Variants in ARHGAP39 observed in about 807,000 individuals in gnomAD.
ARHGAP39 encodes Rho GTPase activating protein 39.
Under a neutral mutation model 106.9 loss-of-function variants are expected in ARHGAP39, and 44 were observed. That is an observed-to-expected ratio of 0.41 (90% confidence interval 0.32 to 0.53). The LOEUF (loss-of-function observed/expected upper bound fraction) is 0.53. ARHGAP39 is among the 20% of genes least tolerant of loss of function. The pLI, the probability that ARHGAP39 is intolerant of heterozygous loss-of-function variation, is 0.21. For missense variants in ARHGAP39, 1,496 were observed against 1,577.3 expected, an observed-to-expected ratio of 0.95 and a Z score of 0.87; for synonymous variants, 768 against 693.2, an observed-to-expected ratio of 1.11 and a Z score of -1.69.
chr8:144,614,635 G>A (rs905342772), intron 1 of ARHGAP39, among the ~76,000 whole-genome samples: 2 of 152,206 alleles, frequency 1.3e-5, no homozygotes, highest in African/African-American at 4.8e-5. Context: ...TTACAGGTGT[G>A]AGCCACCGTG....
At position 144,679,113 on chromosome 8, in the gene ARHGAP39, A is replaced by T. The variant is rs1190798187; in HGVS notation, c.-82+6573T>A. Among the ~76,000 whole-genome samples, 1 of 152,170 alleles carries T rather than the reference A, an allele frequency of 6.6e-6. No homozygotes were observed. Among genetic ancestry groups the T allele is most frequent in the Non-Finnish European group, 1.5e-5 (1 of 68,012 alleles). ...AGGCCAGAAGTGAATGTGGGTGCTG[A>T]GTCTGAGCCGCCTCAGGGGCTCTCG... is the stretch of plus-strand genomic sequence containing the variant. On this transcript the variant is annotated intron_variant, in intron 1 of 11. Coordinates refer to ENST00000377307, the MANE Select transcript of ARHGAP39 (RefSeq NM_025251.3). The surrounding 1 kb of genome is among the most constrained non-coding windows in gnomAD (Gnocchi z 4.7).
At chr8:144,619,046 G>T (rs984372151) in intron 1 of ARHGAP39, among the ~76,000 whole-genome samples, 1 of 152,240 alleles carries the variant, frequency 6.6e-6, no homozygotes, top group Non-Finnish European at 1.5e-5. Flanking sequence ...GTGGACACAG[G>T]GAGCAGGACA....
chr8:144,675,950 T>C (rs1391814718), intron 1 of ARHGAP39, among the ~76,000 whole-genome samples: 1 of 150,966 alleles, frequency 6.6e-6, no homozygotes, highest in African/African-American at 2.4e-5. Flanking sequence ...TGTCCAGAGT[T>C]GTTCCTTCCT....
At chr8:144,659,527 C>T (rs953144080) in intron 1 of ARHGAP39, among the ~76,000 whole-genome samples, 1 of 152,196 alleles carries the variant, frequency 6.6e-6, no homozygotes, top group Non-Finnish European at 1.5e-5. Flanking sequence ...ATCACACCAG[C>T]CCTCTGATCT....
At chr8:144,578,984 C>G (rs1234078034) in intron 3 of ARHGAP39, among the ~76,000 whole-genome samples, 1 of 151,704 alleles carries the variant, frequency 6.6e-6, no homozygotes, top group African/African-American at 2.4e-5. Flanking sequence ...GGGTGGATCA[C>G]GAGGTCAGGA....
intron 1 of ARHGAP39, among the ~76,000 whole-genome samples, chr8:144,630,233 CAT>C (rs1821027792): frequency 6.6e-6 from 1 of 152,330 alleles, no homozygotes; most frequent in South Asian, 2.1e-4. Context: ...CACCACAACT[CAT>C]GTGCTCGCCC....
chr8:144,623,591 C>T (rs971459727), intron 1 of ARHGAP39, among the ~76,000 whole-genome samples: 1 of 152,212 alleles, frequency 6.6e-6, no homozygotes, highest in Non-Finnish European at 1.5e-5. Context: ...AGCAGGCAGA[C>T]GTGTTCCAGG....
At chr8:144,607,388 C>T (rs772789868) in intron 1 of ARHGAP39, among the ~76,000 whole-genome samples, 11 of 152,108 alleles carry the variant, frequency 7.2e-5, no homozygotes, top group Non-Finnish European at 1.5e-4. Context: ...GAGGGACCCA[C>T]GGCTGTATGG....
rs1272801200 is a variant in ARHGAP39 at position 144,585,546 on chromosome 8, C to G, written c.81-4269G>C. On this transcript the variant is annotated intron_variant, in intron 2 of 11. Transcript: ENST00000377307. This position sits in a 1 kb window ranked among gnomAD's most constrained non-coding sequence, Gnocchi z 4.6. Reference sequence around the variant, plus strand: ...ACTCTCCCTGGAGACAACCCTTGGCCTCAGCCCATGATACAAAGTGTCAAT... The same window carrying G: ...ACTCTCCCTGGAGACAACCCTTGGCGTCAGCCCATGATACAAAGTGTCAAT... Among the ~76,000 whole-genome samples, 1 of 152,096 alleles carries G rather than the reference C, an allele frequency of 6.6e-6. No homozygotes were observed. The highest frequency in any genetic ancestry group is 1.5e-5 in the Non-Finnish European group (1 of 68,014).
chr8:144,630,441 C>T (rs1457237273), intron 1 of ARHGAP39, among the ~76,000 whole-genome samples: 1 of 152,242 alleles, frequency 6.6e-6, no homozygotes, highest in Non-Finnish European at 1.5e-5. Flanking sequence ...AGCCCTGGCC[C>T]CCAGCTTCTG....
intron 1 of ARHGAP39, among the ~76,000 whole-genome samples, chr8:144,653,068 C>T (rs975967704): frequency 1.3e-5 from 2 of 152,112 alleles, no homozygotes; most frequent in African/African-American, 2.4e-5. Flanking sequence ...GAGGCTGAGG[C>T]GGGCAGATCA....
In ARHGAP39 at chr8:144,529,825, C is replaced by A. The variant is rs1816590674; in HGVS notation, c.*597G>T. The A allele has an allele frequency of 6.6e-6, 1 of 152,470 alleles. No homozygotes were observed. The highest frequency in any genetic ancestry group is 2.4e-5 in the African/African-American group (1 of 41,374). 9.4% of individuals were successfully genotyped at this position (152,470 alleles called of 1,614,324 possible). A position where few individuals can be genotyped will look rare whatever the true frequency, so the allele number is the denominator to read the frequency against. On this transcript the variant is annotated 3_prime_UTR_variant, in exon 12 of 12. Transcript: ENST00000377307. ...GCCTGCCCAGCCCTGCTCCCTACCCCAGAGGACTTTGGTTTGGGGGCCCCC... is the reference window on the plus strand; with the variant it reads ...GCCTGCCCAGCCCTGCTCCCTACCCAAGAGGACTTTGGTTTGGGGGCCCCC...
chr8:144,634,221 T>A (rs112044205), intron 1 of ARHGAP39, among the ~76,000 whole-genome samples: 1 of 74,476 alleles, frequency 1.3e-5, no homozygotes, highest in Non-Finnish European at 2.7e-5. Flanking sequence ...TCTCCACTCC[T>A]GTCTGGAACT....
chr8:144,663,708 T>C (rs1250713390), intron 1 of ARHGAP39, among the ~76,000 whole-genome samples: 1 of 152,150 alleles, frequency 6.6e-6, no homozygotes, highest in Non-Finnish European at 1.5e-5. Context: ...TTCATCTCTA[T>C]GCTCAGGACT....
rs531933276 is a variant in ARHGAP39 at position 144,549,784 on chromosome 8, C to T, written c.597-1295G>A. ...CTGGGATTACAGGTGTGAGCCACCGCGCCCAGCCCCACGTGGTTTTCATGC... is the reference window on the plus strand; with the variant it reads ...CTGGGATTACAGGTGTGAGCCACCGTGCCCAGCCCCACGTGGTTTTCATGC... On this transcript the variant is annotated intron_variant, in intron 4 of 11. Coordinates refer to ENST00000377307, the MANE Select transcript of ARHGAP39 (RefSeq NM_025251.3). Among the ~76,000 whole-genome samples, 39 of 152,270 alleles carry T rather than the reference C, an allele frequency of 2.6e-4. 1 individual carries two copies. Among genetic ancestry groups the T allele is most frequent in the South Asian group, 1.7e-3 (8 of 4,820 alleles).
Position 144,655,912 on chromosome 8 carries a change from C to A in ARHGAP39, c.-82+29774G>T, listed in dbSNP as rs141375131. On this transcript the variant is annotated intron_variant, in intron 1 of 11. Coordinates refer to ENST00000377307, the MANE Select transcript of ARHGAP39 (RefSeq NM_025251.3). ...ATTGCTACAAACCAGAAAGAGAAAA[C>A]CTCATCAAAAGCAATGCACAAAAGA... Among the ~76,000 whole-genome samples the A allele has an allele frequency of 3.8e-3, 581 of 152,156 alleles. 8 individuals carry two copies. Among genetic ancestry groups the A allele is most frequent in the African/African-American group, 0.013 (554 of 41,486 alleles).
chr8:144,556,540 CA>C (rs1291822524), intron 3 of ARHGAP39, among the ~76,000 whole-genome samples: 1 of 146,130 alleles, frequency 6.8e-6, no homozygotes, highest in East Asian at 2.0e-4. Context: ...TATTCAGCGG[CA>C]AAAGCCTGAA....
rs1342477739 is a variant in ARHGAP39, at chr8:144,645,811, G to A, written c.-82+39875C>T. Reference sequence around the variant, plus strand: ...AAAGTCATAACCAAAGGGGCTGCCTGAGCGAGGCCAGGGCTGCAGGGGGAG... The same window carrying A: ...AAAGTCATAACCAAAGGGGCTGCCTAAGCGAGGCCAGGGCTGCAGGGGGAG... On this transcript the variant is annotated intron_variant, in intron 1 of 11. Coordinates refer to ENST00000377307, the MANE Select transcript of ARHGAP39 (RefSeq NM_025251.3). This position sits in a 1 kb window ranked among gnomAD's most constrained non-coding sequence, Gnocchi z 4.4. Among the ~76,000 whole-genome samples, 3 of 152,228 alleles carry A rather than the reference G, an allele frequency of 2.0e-5. No homozygotes were observed. Among genetic ancestry groups the A allele is most frequent in the Admixed American group, 2.0e-4 (3 of 15,288 alleles).
At chr8:144,622,848 C>G (rs1820839533) in intron 1 of ARHGAP39, among the ~76,000 whole-genome samples, 1 of 152,246 alleles carries the variant, frequency 6.6e-6, no homozygotes, top group Non-Finnish European at 1.5e-5. Flanking sequence ...CCTTTCACAG[C>G]TTTGCAGAAG....
Sources: allele counts gnomAD v4.1 joint callset (sites outside exome capture counted in the v4.1 genomes callset), GRCh38; gene constraint gnomAD v4.1.1; non-coding constraint Gnocchi (gnomAD v3.1); transcripts MANE v1.5; gene names NCBI Gene and HGNC (gene_info 2026-07-23, HGNC 2026-07-21).